The following HPSE2 variants were observed in gnomAD, a reference collection of about 807,000 sequenced individuals.
HPSE2 encodes inactive heparanase-2.
In HPSE2, 38 loss-of-function variants were observed where a neutral mutation model predicts 60.5. The observed-to-expected ratio is 0.63, with a 90% CI of 0.48 to 0.82. The LOEUF (loss-of-function observed/expected upper bound fraction) is 0.82, where lower values mean the gene tolerates loss of function less well. Ranked by LOEUF, HPSE2 falls within the 40% of genes least tolerant of loss-of-function variation. The pLI is 0.00. For missense variants in HPSE2, 713 were observed against 740.4 expected (o/e 0.96, Z 0.43); for synonymous variants, 295 against 293.2 (o/e 1.01, Z -0.06).
At chr10:98,473,539 A>AAAGC (rs1311609656) in intron 11 of HPSE2, among the ~76,000 whole-genome samples, 4 of 149,752 alleles carry the variant, frequency 2.7e-5, no homozygotes, top group African/African-American at 9.9e-5. Flanking sequence ...AGAGAGAAAG[A>AAAGC]AAGAAAGAGA....
chr10:99,217,883 C>A (rs1019436010), intron 2 of HPSE2, among the ~76,000 whole-genome samples: 2 of 152,016 alleles, frequency 1.3e-5, no homozygotes, highest in Non-Finnish European at 2.9e-5. Flanking sequence ...ACTGTGCCTG[C>A]CCCCAATATT....
At chr10:98,870,772 T>C (rs940358519) in intron 3 of HPSE2, among the ~76,000 whole-genome samples, 1 of 152,014 alleles carries the variant, frequency 6.6e-6, no homozygotes, top group Non-Finnish European at 1.5e-5. Context: ...TTTGGATGTG[T>C]GCCCCCTCCA....
chr10:99,029,447 G>A (rs1268790308), intron 3 of HPSE2, among the ~76,000 whole-genome samples: 5 of 152,204 alleles, frequency 3.3e-5, no homozygotes, highest in Non-Finnish European at 7.3e-5. Context: ...GAGACCGGTA[G>A]TGGCCCCAAA....
intron 11 of HPSE2, among the ~76,000 whole-genome samples, chr10:98,479,722 G>T (rs890760129): frequency 6.6e-6 from 1 of 152,190 alleles, no homozygotes; most frequent in African/African-American, 2.4e-5. Flanking sequence ...TTAGTGGCAG[G>T]ATCAGGGGCT....
At chr10:98,756,361 T>C (rs1589772053) in intron 3 of HPSE2, among the ~76,000 whole-genome samples, 2 of 151,988 alleles carry the variant, frequency 1.3e-5, no homozygotes, top group East Asian at 1.9e-4. Flanking sequence ...TGAAAAACCA[T>C]ACAAAATATC....
chr10:98,749,752 T>C (rs891548666), intron 3 of HPSE2, among the ~76,000 whole-genome samples: 5 of 150,838 alleles, frequency 3.3e-5, no homozygotes, highest in Non-Finnish European at 7.4e-5. Flanking sequence ...GATGTAAGTG[T>C]TCTGAGTGCA....
intron 9 of HPSE2, among the ~76,000 whole-genome samples, chr10:98,530,570 T>C (rs1169134854): frequency 1.3e-5 from 2 of 152,200 alleles, no homozygotes; most frequent in African/African-American, 4.8e-5. Flanking sequence ...CCATCCCTTT[T>C]GTTAGCTCTC....
chr10:99,242,196 GGAATGCT>G, the HPSE2 span, among the ~76,000 whole-genome samples: 1 of 152,148 alleles, frequency 6.6e-6, no homozygotes, highest in South Asian at 2.1e-4. Flanking sequence ...TTCTCCATAT[GGAATGCT>G]GAAGGAGAAA....
the HPSE2 span, among the ~76,000 whole-genome samples, chr10:99,286,183 C>T: frequency 9.2e-5 from 14 of 152,002 alleles, no homozygotes; most frequent in African/African-American, 2.2e-4. Context: ...AAAAATTAAA[C>T]GTGGAATTAC....
chr10:98,609,297 T>G (rs116873872), intron 9 of HPSE2, among the ~76,000 whole-genome samples: 4,681 of 152,296 alleles, frequency 0.031, 129 homozygotes, highest in East Asian at 0.1. Context: ...CAGGACAGTA[T>G]CTCTAGTGTC....
intron 3 of HPSE2, among the ~76,000 whole-genome samples, chr10:98,762,457 A>G (rs993965734): frequency 1.3e-5 from 2 of 152,278 alleles, no homozygotes. Flanking sequence ...GGACTCATCT[A>G]ATTCTGGATA....
chr10:98,476,720 G>A (rs1198787044), intron 11 of HPSE2, among the ~76,000 whole-genome samples: 1 of 152,038 alleles, frequency 6.6e-6, no homozygotes, highest in African/African-American at 2.4e-5. Context: ...AACCTGGGGG[G>A]CAGAGGTTGC....
chr10:99,104,272 T>A (rs1303544136), intron 3 of HPSE2, among the ~76,000 whole-genome samples: 3 of 152,090 alleles, frequency 2.0e-5, no homozygotes, highest in Non-Finnish European at 4.4e-5. Context: ...TACAAAGAAC[T>A]CAAACAAATT....
At chr10:99,131,768 C>G (rs1378784641) in intron 3 of HPSE2, among the ~76,000 whole-genome samples, 2 of 152,106 alleles carry the variant, frequency 1.3e-5, no homozygotes, top group African/African-American at 2.4e-5. Context: ...AGATGACACA[C>G]TGATTACAGT....
chr10:99,120,013 C>T (rs1306362507), intron 3 of HPSE2, among the ~76,000 whole-genome samples: 1 of 152,144 alleles, frequency 6.6e-6, no homozygotes, highest in African/African-American at 2.4e-5. Flanking sequence ...CTAGGCAGTA[C>T]CATCCTGGAC....
At chr10:98,572,054 C>T (rs1944511715) in intron 9 of HPSE2, among the ~76,000 whole-genome samples, 1 of 151,442 alleles carries the variant, frequency 6.6e-6, no homozygotes, top group Admixed American at 6.6e-5. Flanking sequence ...GATTCTCCTG[C>T]CTCAGCCTCC....
the HPSE2 span, among the ~76,000 whole-genome samples, chr10:99,297,883 T>C: frequency 2.6e-5 from 4 of 152,186 alleles, no homozygotes; most frequent in Non-Finnish European, 5.9e-5. Flanking sequence ...TTCCCTATAG[T>C]ATTGTGGGTT....
At chr10:99,305,961 A>ATAAGCG in the HPSE2 span, among the ~76,000 whole-genome samples, 307 of 103,004 alleles carry the variant, frequency 3.0e-3, 45 homozygotes, top group Middle Eastern at 5.0e-3. Context: ...ACTCACACAC[A>ATAAGCG]CGCGCGCGCG....
At chr10:98,612,740 C>G (rs975277324) in intron 9 of HPSE2, among the ~76,000 whole-genome samples, 4 of 152,228 alleles carry the variant, frequency 2.6e-5, no homozygotes, top group Admixed American at 6.5e-5. Flanking sequence ...TTATCTGCAT[C>G]TTTTATAACT....
Sources: allele counts gnomAD v4.1 joint callset (sites outside exome capture counted in the v4.1 genomes callset), GRCh38; gene constraint gnomAD v4.1.1; transcripts MANE v1.5; gene names NCBI Gene and HGNC (gene_info 2026-07-23, HGNC 2026-07-21).